The following TBRG1 variants were observed in gnomAD, a reference collection of about 807,000 sequenced individuals.
TBRG1 encodes the protein transforming growth factor beta regulator 1.
TBRG1 carries 31 observed loss-of-function variants against 44.0 expected under a neutral mutation model. The observed-to-expected ratio is 0.70, with a 90% CI of 0.53 to 0.95. The LOEUF (loss-of-function observed/expected upper bound fraction) is 0.95. Ranked by LOEUF, TBRG1 falls within the 40% of genes least tolerant of loss-of-function variation. The pLI, the probability that TBRG1 is intolerant of heterozygous loss-of-function variation, is 0.00. For missense variants in TBRG1, 487 were observed against 496.1 expected (o/e 0.98, Z 0.18); for synonymous variants, 171 against 188.1 (o/e 0.91, Z 0.74).
rs1942472019 is a variant in TBRG1 at position 124,626,498 on chromosome 11, G to T, written c.480G>T (p.Lys160Asn). ...TTCTGAAGAAAACATGCAAGAAAAA[G>T]AAAATGGCGGGAGGTGCTCGCAAGC... The part of the protein sequence containing the change: ...LEVLKKTCKK[K>N]KMAGGARKLV... Residue 160 changes from lysine (K) to asparagine (N), a missense_variant, in exon 4 of 9, where the codon AAG (lysine) becomes AAT (asparagine). Physicochemically the swap from Lys to Asn is moderately conservative, Grantham distance 94. Coordinates refer to ENST00000441174, the MANE Select transcript of TBRG1 (RefSeq NM_032811.3). 3 of 1,547,422 alleles carry T rather than the reference G, an allele frequency of 1.9e-6. No homozygotes were observed. Among genetic ancestry groups the T allele is most frequent in the Non-Finnish European group, 8.7e-7 (1 of 1,144,822 alleles).
At chr11:124,630,317 T>C (rs1041650137) in intron 5 of TBRG1, 71 bp from the exon 6 acceptor site, 12 of 981,774 alleles carry the variant, frequency 1.2e-5, no homozygotes, top group Non-Finnish European at 1.7e-5. Context: ...TAAAGAAATA[T>C]TTACAGAGTA....
chr11:124,623,893 C>T (rs1230674961), intron 1 of TBRG1, among the ~76,000 whole-genome samples: 1 of 152,168 alleles, frequency 6.6e-6, no homozygotes, highest in Non-Finnish European at 1.5e-5. Context: ...AATAGTTTGG[C>T]TTGCCTCAGT....
chr11:124,628,100 TATATATATATATATATAC>T (rs1489499807), intron 5 of TBRG1, among the ~76,000 whole-genome samples: 295 of 53,204 alleles, frequency 5.5e-3, no homozygotes, highest in African/African-American at 0.026. Flanking sequence ...TATATATATA[TATATATATATATATATAC>T]ACACACACAC....
intron 8 of TBRG1, chr11:124,631,839 GA>G (rs1252947052): frequency 4.3e-6 from 2 of 462,112 alleles, no homozygotes; most frequent in Non-Finnish European, 7.8e-6. Flanking sequence ...GTCATATAGG[GA>G]AAACTCTGGG....
At position 124,631,281 on chromosome 11, in the gene TBRG1, G is replaced by A; in HGVS notation, c.954G>A (p.Gln318=). 1 of 1,579,658 alleles carries A rather than the reference G, an allele frequency of 6.3e-7. No individual in the cohort carries two copies. The highest frequency in any genetic ancestry group is 8.6e-7 in the Non-Finnish European group (1 of 1,163,860). The change falls in exon 8 of 9, where the codon CAG becomes CAA. Residue 318 remains glutamine (Q), a synonymous_variant. Coordinates refer to ENST00000441174, the MANE Select transcript of TBRG1 (RefSeq NM_032811.3). ...CPGARKCINY[Q]WVKFDVCKPG... ...ATTTCCCTTGATTCTGCAGTTACCA[G>A]TGGGTGAAATTTGATGTGTGCAAAC...
chr11:124,633,525 G>A lies in TBRG1; in HGVS notation c.*1287G>A, dbSNP rs1942655534. The stretch of plus-strand genomic sequence containing the variant: ...TTGCCAATTGAGGACAACACAAATG[G>A]GATTGGTACTTTATAGTAATAAATC... On this transcript the variant is annotated 3_prime_UTR_variant, in exon 9 of 9. Transcript: ENST00000441174. The A allele has an allele frequency of 6.6e-6, 1 of 152,198 alleles. No homozygotes were observed. Among genetic ancestry groups the A allele is most frequent in the African/African-American group, 2.4e-5 (1 of 41,438 alleles). The allele number at this position is 152,198 out of a possible 1,614,324, so 9.4% of individuals were successfully genotyped here.
intron 8 of TBRG1, 197 bp downstream of exon 8, chr11:124,631,614 G>A: frequency 1.6e-6 from 1 of 626,684 alleles, no homozygotes. Context: ...GATGTCATGG[G>A]GAGCACCTGC....
chr11:124,623,254 GCCGGTCC>G, intron 1 of TBRG1, 21 bp downstream of exon 1: 1 of 1,551,334 alleles, frequency 6.4e-7, no homozygotes. Context: ...CCCACGTTCA[GCCGGTCC>G]CCTCCTGGAG....
At chr11:124,623,496 A>G (rs997910754) in intron 1 of TBRG1, 1 of 535,724 alleles carries the variant, frequency 1.9e-6, no homozygotes, top group South Asian at 1.8e-5. Flanking sequence ...AGACATACCA[A>G]TAAATTTTAG....
At chr11:124,625,598 A>T in intron 2 of TBRG1, 73 bp from the exon 3 acceptor site, 1 of 1,369,560 alleles carries the variant, frequency 7.3e-7, no homozygotes, top group Non-Finnish European at 9.9e-7. Flanking sequence ...GGCTTTTCCC[A>T]GTACTTGAGT....
chr11:124,627,426 A>G (rs1591374392), intron 5 of TBRG1, among the ~76,000 whole-genome samples: 1 of 152,328 alleles, frequency 6.6e-6, no homozygotes, highest in South Asian at 2.1e-4. Flanking sequence ...AAGAAATTGC[A>G]TATTAGTTTC....
chr11:124,632,159 C>G lies in TBRG1; in HGVS notation c.1157C>G (p.Thr386Arg), dbSNP rs758296697. Residue 386 changes from threonine to arginine, a missense_variant, in exon 9 of 9, where the codon ACA (threonine) becomes AGA (arginine). By Grantham distance (71) the Thr-to-Arg change is moderately conservative (BLOSUM62 -1). Transcript: ENST00000441174. ...FVSSYQPMYLTHEPLVDTHLQ... is the reference protein window; with the variant it reads ...FVSSYQPMYLRHEPLVDTHLQ... ...TCTTCTTACCAGCCCATGTACCTGA[C>G]ACATGAACCCTTGGTAGATACTCAC... 1.2e-6 allele frequency: 2 copies of G among 1,613,522 alleles called. No homozygotes were observed. Among genetic ancestry groups the G allele is most frequent in the Non-Finnish European group, 1.7e-6 (2 of 1,179,466 alleles).
In TBRG1 at chr11:124,626,456, C is replaced by T. The variant is rs1442054160; in HGVS notation, c.455-17C>T. ...TGGAAGGGGCCTAAAGTGGGTGACC[C>T]CAGATTTGCGTTTCAGTTCTGAAGA... On this transcript the variant is annotated splice_polypyrimidine_tract_variant and intron_variant, in intron 3 of 8. Coordinates refer to ENST00000441174, the MANE Select transcript of TBRG1 (RefSeq NM_032811.3). The T allele has an allele frequency of 1.6e-5, 24 of 1,517,496 alleles. No individual in the cohort carries two copies. The highest frequency in any genetic ancestry group is 2.1e-5 in the Non-Finnish European group (24 of 1,130,030). 94.0% of individuals were successfully genotyped at this position (1,517,496 alleles called of 1,614,324 possible).
In TBRG1 at chr11:124,632,248, G is replaced by A; in HGVS notation, c.*10G>A. On this transcript the variant is annotated 3_prime_UTR_variant, in exon 9 of 9. Transcript: ENST00000441174. ...TCAGTCTTCAGATTGAACAAGAAGG[G>A]ATCAGATGCCACATCGTTTTTGTCG... 2 of 1,607,672 alleles carry A rather than the reference G, an allele frequency of 1.2e-6. No individual in the cohort carries two copies. Among genetic ancestry groups the A allele is most frequent in the Admixed American group, 1.7e-5 (1 of 58,524 alleles).
At chr11:124,630,122 G>T in intron 5 of TBRG1, 1 of 346,436 alleles carries the variant, frequency 2.9e-6, no homozygotes, top group Non-Finnish European at 5.6e-6. Context: ...ATAAATAAGT[G>T]GATTGGAAAG....
At position 124,624,956 on chromosome 11, in the gene TBRG1, T is replaced by C. The variant is rs1942428206; in HGVS notation, c.176T>C (p.Ile59Thr). 6.5e-7 allele frequency: 1 copy of C among 1,548,624 alleles called. No individual in the cohort carries two copies. Among genetic ancestry groups the C allele is most frequent in the East Asian group, 2.4e-5 (1 of 40,878 alleles). The stretch of plus-strand genomic sequence containing the variant: ...GAAAATGCTGCTATTTGTGATGAAA[T>C]TGCTCGTCTTGAGGAAAAATTTCTT... ...VFENAAICDEIARLEEKFLKA... is the reference protein window; with the variant it reads ...VFENAAICDETARLEEKFLKA... The change falls in exon 2 of 9, where the codon ATT becomes ACT. Residue 59 changes from isoleucine to threonine, a missense_variant. By Grantham distance (89) the Ile-to-Thr change is moderately conservative. Transcript: ENST00000441174.
At chr11:124,631,243 A>G (rs765659257) in intron 7 of TBRG1, 32 bp from the exon 8 acceptor site, 1 of 1,529,538 alleles carries the variant, frequency 6.5e-7, no homozygotes, top group African/African-American at 1.4e-5. Context: ...CTAGCAGATA[A>G]CTCTCAAGGG....
At position 124,624,914 on chromosome 11, in the gene TBRG1, C is replaced by G; in HGVS notation, c.151-17C>G. 6.8e-7 allele frequency: 1 copy of G among 1,473,140 alleles called. No homozygotes were observed. Among genetic ancestry groups the G allele is most frequent in the Non-Finnish European group, 9.3e-7 (1 of 1,080,702 alleles). 91.3% of individuals were successfully genotyped at this position (1,473,140 alleles called of 1,614,324 possible). ...TTTATTCATTTTATGTTATTATATT[C>G]ACATTTTTACTTAAAGGAAAATGCT... is the stretch of plus-strand genomic sequence containing the variant. On this transcript the variant is annotated splice_polypyrimidine_tract_variant and intron_variant, in intron 1 of 8. Coordinates refer to ENST00000441174, the MANE Select transcript of TBRG1 (RefSeq NM_032811.3).
In TBRG1 at chr11:124,626,815, C is replaced by T. The variant is rs1942486171; in HGVS notation, c.592-89C>T. The stretch of plus-strand genomic sequence containing the variant: ...GTGTGATTTGTCACTCTTTGCAGCC[C>T]CAAAGTGGTTCTAAAGGCTACCACA... On this transcript the variant is annotated intron_variant, in intron 4 of 8. Coordinates refer to ENST00000441174, the MANE Select transcript of TBRG1 (RefSeq NM_032811.3). 3.2e-6 allele frequency: 5 copies of T among 1,547,880 alleles called. No individual in the cohort carries two copies. The East Asian group carries it at 9.7e-5, about 30-fold the overall frequency.
Sources: allele counts gnomAD v4.1 joint callset (sites outside exome capture counted in the v4.1 genomes callset), GRCh38; gene constraint gnomAD v4.1.1; transcripts MANE v1.5; gene names NCBI Gene and HGNC (gene_info 2026-07-23, HGNC 2026-07-21).